The following ADAMTS20 variants were observed in gnomAD, a reference collection of about 807,000 sequenced individuals.
The protein encoded by ADAMTS20 is A disintegrin and metalloproteinase with thrombospondin motifs 20.
ADAMTS20 carries 225 observed loss-of-function variants against 260.1 expected under a neutral mutation model. The ratio of observed to expected loss-of-function variants is 0.87; its 90% CI spans 0.78 to 0.97. ADAMTS20 has a LOEUF of 0.97. ADAMTS20 is among the 50% of genes least tolerant of loss of function. ADAMTS20 has a pLI of 0.00. For missense variants in ADAMTS20, 2,400 were observed against 2,337.7 expected, an observed-to-expected ratio of 1.03 and a Z score of -0.55; for synonymous variants, 802 against 769.5, an observed-to-expected ratio of 1.04 and a Z score of -0.70.
intron 29 of ADAMTS20, among the ~76,000 whole-genome samples, chr12:43,391,262 C>T (rs1030649742): frequency 5.9e-5 from 9 of 152,172 alleles, no homozygotes; most frequent in African/African-American, 1.9e-4. Flanking sequence ...TCCTAAAGTC[C>T]CTACCTCCTA....
chr12:43,363,288 T>C (rs942469846), intron 37 of ADAMTS20, among the ~76,000 whole-genome samples: 13 of 152,144 alleles, frequency 8.5e-5, no homozygotes, highest in African/African-American at 3.1e-4. Context: ...CACCCAAGTC[T>C]GTACTGCAGA....
At chr12:43,383,766 T>C (rs201090776) in intron 30 of ADAMTS20, 38 bp from the exon 31 acceptor site, 3 of 1,613,556 alleles carry the variant, frequency 1.9e-6, no homozygotes, top group Non-Finnish European at 8.5e-7. Context: ...CACATTCTTA[T>C]ATGCAGTGTC....
intron 2 of ADAMTS20, among the ~76,000 whole-genome samples, chr12:43,543,646 A>G (rs945865480): frequency 6.6e-6 from 1 of 152,196 alleles, no homozygotes; most frequent in Non-Finnish European, 1.5e-5. Context: ...TTTTCTCCTT[A>G]TAGACAAGAT....
intron 7 of ADAMTS20, among the ~76,000 whole-genome samples, chr12:43,485,803 AC>A (rs1252028495): frequency 8.5e-5 from 13 of 152,266 alleles, no homozygotes; most frequent in African/African-American, 3.1e-4. Context: ...CAAATCAAGA[AC>A]TCAATCCCTT....
At chr12:43,447,014 A>G (rs538912118) in intron 14 of ADAMTS20, among the ~76,000 whole-genome samples, 1 of 152,140 alleles carries the variant, frequency 6.6e-6, no homozygotes, top group South Asian at 2.1e-4. Flanking sequence ...CTACCATCCA[A>G]AAAAAGCCCA....
chr12:43,371,245 T>C (rs765012023), intron 36 of ADAMTS20, among the ~76,000 whole-genome samples: 75 of 152,210 alleles, frequency 4.9e-4, no homozygotes, highest in Non-Finnish European at 7.5e-4. Flanking sequence ...ACTCATTTTT[T>C]TGCCTCTTTT....
intron 36 of ADAMTS20, among the ~76,000 whole-genome samples, chr12:43,372,989 A>G (rs774080449): frequency 4.9e-4 from 74 of 152,214 alleles, no homozygotes; most frequent in Non-Finnish European, 6.9e-4. Context: ...GAAAAGTAGG[A>G]GAGAGAATGG....
intron 5 of ADAMTS20, 129 bp from the exon 6 acceptor site, chr12:43,492,758 T>C (rs1942622774): frequency 6.1e-6 from 6 of 988,656 alleles, no homozygotes; most frequent in Non-Finnish European, 3.0e-6. Flanking sequence ...ACAGCATCTC[T>C]TCTTCATATA....
intron 2 of ADAMTS20, among the ~76,000 whole-genome samples, chr12:43,546,499 C>T (rs1432770108): frequency 1.3e-5 from 2 of 152,098 alleles, no homozygotes; most frequent in Admixed American, 6.6e-5. Context: ...CTACCAGAAG[C>T]ATGAGGAATT....
At chr12:43,466,098 G>C (rs909210108) in intron 9 of ADAMTS20, among the ~76,000 whole-genome samples, 5 of 151,980 alleles carry the variant, frequency 3.3e-5, no homozygotes, top group Admixed American at 2.6e-4. Flanking sequence ...AAGGAAGGTG[G>C]AGAAATGAGG....
At position 43,503,288 on chromosome 12, in the gene ADAMTS20, C is replaced by T. The variant is rs921405672; in HGVS notation, c.614-883G>A. ...GGTGGTGGTATTTTCAATAGAAAAG[C>T]GGACCAAAGGAGTCAAGTGAGAAGA... On this transcript the variant is annotated intron_variant, in intron 3 of 38. Coordinates refer to ENST00000389420, the MANE Select transcript of ADAMTS20 (RefSeq NM_025003.5). Among the ~76,000 whole-genome samples the T allele has an allele frequency of 7.9e-5, 12 of 151,886 alleles. No individual in the cohort carries two copies. The South Asian group carries it at 1.9e-3, about 24-fold the overall frequency.
At chr12:43,417,659 T>C (rs1941156544) in intron 28 of ADAMTS20, among the ~76,000 whole-genome samples, 2 of 152,340 alleles carry the variant, frequency 1.3e-5, no homozygotes, top group Admixed American at 1.3e-4. Flanking sequence ...TAAGTCACAG[T>C]CTTTCAAAAG....
chr12:43,502,267 T>C lies in ADAMTS20; in HGVS notation c.752A>G (p.Lys251Arg). ...TCTTGGATATGATATAAGACGTTTT[T>C]TCCTGGAATGTCTTCTTTCATCTTT... is the stretch of plus-strand genomic sequence containing the variant. ...PLKDERRHSR[K>R]KRLISYPRYI... is the part of the protein sequence containing the mutation. Residue 251 changes from lysine to arginine, a missense_variant, in exon 4 of 39, where the codon AAA becomes AGA. Coordinates refer to ENST00000389420, the MANE Select transcript of ADAMTS20 (RefSeq NM_025003.5). 1 of 1,612,324 alleles carries C rather than the reference T, an allele frequency of 6.2e-7. No homozygotes were observed. Among genetic ancestry groups the C allele is most frequent in the East Asian group, 2.2e-5 (1 of 44,750 alleles).
At chr12:43,467,307 A>T (rs1406921129) in intron 8 of ADAMTS20, among the ~76,000 whole-genome samples, 1 of 152,068 alleles carries the variant, frequency 6.6e-6, no homozygotes, top group African/African-American at 2.4e-5. Flanking sequence ...GATGCCCAAC[A>T]GAACTAGAAT....
Position 43,428,511 on chromosome 12 carries a change from A to G in ADAMTS20, c.3675T>C (p.His1225=), listed in dbSNP as rs984948952. Residue 1225 remains histidine (H), a synonymous_variant, in exon 26 of 39, where the codon CAT becomes CAC. Coordinates refer to ENST00000389420, the MANE Select transcript of ADAMTS20 (RefSeq NM_025003.5). The stretch of plus-strand genomic sequence containing the variant: ...ATAAAACTTGTCGAGTTGTTTTTCC[A>G]TGGCCACAGGAAGCTGAACACTGAT... ...DWSPCSASCG[H]GKTTRQVLCM... The G allele has an allele frequency of 6.2e-7, 1 of 1,613,390 alleles. No homozygotes were observed. Among genetic ancestry groups the G allele is most frequent in the African/African-American group, 1.3e-5 (1 of 74,924 alleles).
At chr12:43,465,238 G>A (rs1942133505) in intron 9 of ADAMTS20, among the ~76,000 whole-genome samples, 2 of 151,994 alleles carry the variant, frequency 1.3e-5, no homozygotes, top group African/African-American at 4.8e-5. Flanking sequence ...TTTCAAGGTG[G>A]GAGTATAGCA....
At chr12:43,536,187 G>T (rs1044291540) in intron 2 of ADAMTS20, among the ~76,000 whole-genome samples, 12 of 152,026 alleles carry the variant, frequency 7.9e-5, no homozygotes, top group African/African-American at 2.9e-4. Flanking sequence ...TGAGACAAAT[G>T]AGGAAAAGAG....
rs372801174 is a variant in ADAMTS20 at position 43,428,813 on chromosome 12, C to G, written c.3490-14G>C. The G allele has an allele frequency of 6.3e-7, 1 of 1,588,994 alleles. No homozygotes were observed. Among genetic ancestry groups the G allele is most frequent in the African/African-American group, 1.3e-5 (1 of 74,288 alleles). Reference sequence around the variant, plus strand: ...AGATACGGAGCACTTTTTAAGAAATCAAATTGTATCCGGGCATTATACAGT... The same window carrying G: ...AGATACGGAGCACTTTTTAAGAAATGAAATTGTATCCGGGCATTATACAGT... On this transcript the variant is annotated splice_polypyrimidine_tract_variant and intron_variant, in intron 24 of 38. Transcript: ENST00000389420.
In ADAMTS20 at chr12:43,433,650, T is replaced by C. The variant is rs532399426; in HGVS notation, c.2720+595A>G. ...GTATAAATATGATAGATGGACTCAT[T>C]GTATACCATGTCACTACAAGACCAA... On this transcript the variant is annotated intron_variant, in intron 19 of 38. Coordinates refer to ENST00000389420, the MANE Select transcript of ADAMTS20 (RefSeq NM_025003.5). The C allele has an allele frequency of 6.4e-5, 17 of 264,270 alleles. No homozygotes were observed. In the East Asian group the frequency reaches 1.3e-3, roughly 20 times the overall value. 16.4% of individuals were successfully genotyped at this position (264,270 alleles called of 1,614,324 possible). A position where few individuals can be genotyped will look rare whatever the true frequency, so the allele number is the denominator to read the frequency against.
Sources: allele counts gnomAD v4.1 joint callset (sites outside exome capture counted in the v4.1 genomes callset), GRCh38; gene constraint gnomAD v4.1.1; transcripts MANE v1.5; gene names NCBI Gene and HGNC (gene_info 2026-07-23, HGNC 2026-07-21).